RNF217: variants seen among roughly 807,000 people sequenced by gnomAD.
RNF217 encodes the protein ring finger protein 217.
RNF217 carries 31 observed loss-of-function variants against 57.8 expected under a neutral mutation model. The ratio of observed to expected loss-of-function variants is 0.54; its 90% CI spans 0.40 to 0.72. RNF217 has a LOEUF of 0.72. Among genes scored for constraint, RNF217 ranks in the 30% least tolerant of loss-of-function variants. The pLI, the probability that RNF217 is intolerant of heterozygous loss-of-function variation, is 0.00. For synonymous variants in RNF217, 313 were observed against 294.0 expected (o/e 1.06, Z -0.66); for missense variants, 696 against 708.3 (o/e 0.98, Z 0.20).
intron 1 of RNF217, among the ~76,000 whole-genome samples, chr6:124,988,660 T>C (rs1326290938): frequency 1.3e-5 from 2 of 152,232 alleles, no homozygotes; most frequent in Non-Finnish European, 2.9e-5. Flanking sequence ...TTAACACATT[T>C]TAGCAGATTC....
chr6:125,017,119 A>C (rs1157290500), intron 1 of RNF217, among the ~76,000 whole-genome samples: 12 of 152,162 alleles, frequency 7.9e-5, no homozygotes, highest in Admixed American at 7.2e-4. Context: ...AAAATTTTTA[A>C]AAAGACATGG....
chr6:125,013,361 G>T (rs1318157381), intron 1 of RNF217, among the ~76,000 whole-genome samples: 1 of 151,002 alleles, frequency 6.6e-6, no homozygotes, highest in African/African-American at 2.4e-5. Context: ...ATGTGTGTGT[G>T]TGTGTGTGTG....
chr6:125,079,382 C>A (rs147220859), intron 4 of RNF217, among the ~76,000 whole-genome samples: 1 of 146,900 alleles, frequency 6.8e-6, no homozygotes, highest in East Asian at 2.0e-4. Flanking sequence ...TTCTAGATGG[C>A]AAATAATTTA....
intron 1 of RNF217, among the ~76,000 whole-genome samples, chr6:125,034,186 G>A (rs1264931356): frequency 6.6e-6 from 1 of 152,140 alleles, no homozygotes; most frequent in Non-Finnish European, 1.5e-5. Context: ...CTGTGCAGAA[G>A]CTCTTTAGTT....
At chr6:124,975,893 C>T (rs1783937202) in intron 1 of RNF217, among the ~76,000 whole-genome samples, 1 of 152,064 alleles carries the variant, frequency 6.6e-6, no homozygotes, top group Non-Finnish European at 1.5e-5. Context: ...TTTTAATTTT[C>T]CTGTTATCAT....
At chr6:125,065,527 C>T (rs115085068) in intron 3 of RNF217, among the ~76,000 whole-genome samples, 3,332 of 152,154 alleles carry the variant, frequency 0.022, 115 homozygotes, top group African/African-American at 0.076. Flanking sequence ...CCAGCAACAA[C>T]TAAATTCTGA....
intron 1 of RNF217, among the ~76,000 whole-genome samples, chr6:125,013,821 T>C (rs1441124297): frequency 6.6e-6 from 1 of 152,168 alleles, no homozygotes; most frequent in African/African-American, 2.4e-5. Flanking sequence ...CATTCTTCTG[T>C]CATGTACCTA....
Position 125,086,490 on chromosome 6 carries a change from A to G in RNF217, c.*3553A>G, listed in dbSNP as rs555600860. 1 of 152,204 alleles carries G rather than the reference A, an allele frequency of 6.6e-6. No individual in the cohort carries two copies. The highest frequency in any genetic ancestry group is 1.9e-4 in the East Asian group (1 of 5,176). The allele number at this position is 152,204 out of a possible 1,614,324, so 9.4% of individuals were successfully genotyped here. ...TCCACTTTTGTGTATGTTGCTTGAC[A>G]GAGGAACTTAATTATGCCATTGTGA... On this transcript the variant is annotated 3_prime_UTR_variant, in exon 6 of 6. Coordinates refer to ENST00000521654, the MANE Select transcript of RNF217 (RefSeq NM_001286398.3).
chr6:125,015,007 T>C (rs1785550919), intron 1 of RNF217, among the ~76,000 whole-genome samples: 1 of 152,160 alleles, frequency 6.6e-6, no homozygotes, highest in East Asian at 1.9e-4. Flanking sequence ...TATGTGTTTT[T>C]ATTTTCCCAG....
At chr6:125,004,191 T>C (rs1785088183) in intron 1 of RNF217, among the ~76,000 whole-genome samples, 1 of 152,198 alleles carries the variant, frequency 6.6e-6, no homozygotes, top group South Asian at 2.1e-4. Flanking sequence ...TTGCCAGTTA[T>C]ATTTCCCCTT....
chr6:125,086,432 T>G lies in RNF217; in HGVS notation c.*3495T>G, dbSNP rs868140721. The G allele has an allele frequency of 6.6e-6, 1 of 151,986 alleles. No homozygotes were observed. Among genetic ancestry groups the G allele is most frequent in the Non-Finnish European group, 1.5e-5 (1 of 67,960 alleles). 9.4% of individuals were successfully genotyped at this position (151,986 alleles called of 1,614,324 possible). A position where few individuals can be genotyped will look rare whatever the true frequency, so the allele number is the denominator to read the frequency against. On this transcript the variant is annotated 3_prime_UTR_variant, in exon 6 of 6. Transcript: ENST00000521654. Reference sequence around the variant, plus strand: ...ATTTAAATCAAATACCCAAGCCAAATTGGTGATACTTTTCGCATTTTTAGT... The same window carrying G: ...ATTTAAATCAAATACCCAAGCCAAAGTGGTGATACTTTTCGCATTTTTAGT...
intron 1 of RNF217, among the ~76,000 whole-genome samples, chr6:125,027,301 G>A (rs150349938): frequency 1.8e-4 from 28 of 152,048 alleles, no homozygotes; most frequent in African/African-American, 6.5e-4. Flanking sequence ...CCCCGCCAAT[G>A]CCCAACTACC....
intron 4 of RNF217, 144 bp from the exon 5 acceptor site, chr6:125,081,292 T>A: frequency 1.7e-6 from 1 of 604,718 alleles, no homozygotes; most frequent in Admixed American, 3.0e-5. Flanking sequence ...CTAATCCTGA[T>A]ACATTTCTTA....
chr6:125,076,993 T>A (rs1364796280), intron 4 of RNF217, 135 bp downstream of exon 4: 4 of 734,030 alleles, frequency 5.4e-6, no homozygotes, highest in Non-Finnish European at 9.0e-6. Context: ...TCTCTCACCC[T>A]TTAAGAATAA....
At chr6:125,032,150 G>A (rs1283112154) in intron 1 of RNF217, among the ~76,000 whole-genome samples, 1 of 152,098 alleles carries the variant, frequency 6.6e-6, no homozygotes, top group Non-Finnish European at 1.5e-5. Flanking sequence ...TAGGAATTCT[G>A]AGAAATACAA....
chr6:125,073,159 C>T (rs186520325), intron 3 of RNF217, among the ~76,000 whole-genome samples: 2 of 152,268 alleles, frequency 1.3e-5, no homozygotes, highest in East Asian at 1.9e-4. Flanking sequence ...TTTGGGTTTT[C>T]GGCAGTTGTC....
At chr6:124,992,839 T>C (rs1490984028) in intron 1 of RNF217, among the ~76,000 whole-genome samples, 1 of 152,154 alleles carries the variant, frequency 6.6e-6, no homozygotes, top group Non-Finnish European at 1.5e-5. Context: ...TAAATAAATT[T>C]AATAAATTTA....
rs990090898 is a variant in RNF217, at chr6:125,034,175, G to T, written c.883-11036G>T. On this transcript the variant is annotated intron_variant, in intron 1 of 5. Coordinates refer to ENST00000521654, the MANE Select transcript of RNF217 (RefSeq NM_001286398.3). ...ATTCATTCTGATGGTAGTTTCTTTTGCTGTGCAGAAGCTCTTTAGTTTAAT... is the reference window on the plus strand; with the variant it reads ...ATTCATTCTGATGGTAGTTTCTTTTTCTGTGCAGAAGCTCTTTAGTTTAAT... Among the ~76,000 whole-genome samples, 4 of 152,040 alleles carry T rather than the reference G, an allele frequency of 2.6e-5. No individual in the cohort carries two copies. The East Asian group carries it at 7.7e-4, about 29-fold the overall frequency.
At chr6:125,023,050 A>G (rs1414686307) in intron 1 of RNF217, among the ~76,000 whole-genome samples, 1 of 152,156 alleles carries the variant, frequency 6.6e-6, no homozygotes, top group African/African-American at 2.4e-5. Flanking sequence ...TAGGGAAAAC[A>G]AACAATTTTG....
Sources: allele counts gnomAD v4.1 joint callset (sites outside exome capture counted in the v4.1 genomes callset), GRCh38; gene constraint gnomAD v4.1.1; transcripts MANE v1.5; gene names NCBI Gene and HGNC (gene_info 2026-07-23, HGNC 2026-07-21).